Variants in NUCKS1 observed in about 807,000 individuals in gnomAD.
NUCKS1 encodes the protein nuclear casein kinase and cyclin dependent kinase substrate 1, also known as nuclear ubiquitous casein and cyclin-dependent kinase substrate 1.
In NUCKS1, 2 loss-of-function variants were observed where a neutral mutation model predicts 33.0. That is an observed-to-expected ratio of 0.06 (90% CI 0.02 to 0.19). NUCKS1 has a LOEUF of 0.19. Among genes scored for constraint, NUCKS1 ranks in the 10% least tolerant of loss-of-function variants. NUCKS1 has a pLI of 1.00. For missense variants in NUCKS1, 201 were observed against 293.6 expected (o/e 0.68, Z 2.31); for synonymous variants, 106 against 102.8 (o/e 1.03, Z -0.19).
chr1:205,747,575 A>G (rs1438983012), intron 1 of NUCKS1, among the ~76,000 whole-genome samples: 1 of 152,242 alleles, frequency 6.6e-6, no homozygotes, highest in East Asian at 1.9e-4. Context: ...TCATATTAAA[A>G]TAAAAATGGA....
intron 1 of NUCKS1, among the ~76,000 whole-genome samples, chr1:205,745,633 TA>T (rs1201378176): frequency 6.6e-6 from 1 of 152,040 alleles, no homozygotes; most frequent in Non-Finnish European, 1.5e-5. Context: ...GAGGAGATAT[TA>T]AAAAAAACCT....
At position 205,712,904 on chromosome 1, in the gene NUCKS1, T is replaced by C. The variant is rs1571563515; in HGVS notation, c.*5376A>G. On this transcript the variant is annotated 3_prime_UTR_variant, in exon 7 of 7. Transcript: ENST00000367142. ...CACTTCATAACCTTGGATGTAAACATGAGAAAAAATGCTAATTAAGAATCC... is the reference window on the plus strand; with the variant it reads ...CACTTCATAACCTTGGATGTAAACACGAGAAAAAATGCTAATTAAGAATCC... 1 of 152,144 alleles carries C rather than the reference T, an allele frequency of 6.6e-6. No homozygotes were observed. The highest frequency in any genetic ancestry group is 1.9e-4 in the East Asian group (1 of 5,200). 9.4% of individuals were successfully genotyped at this position (152,144 alleles called of 1,614,324 possible). A position where few individuals can be genotyped will look rare whatever the true frequency, so the allele number is the denominator to read the frequency against.
chr1:205,728,750 G>GA lies in NUCKS1; in HGVS notation c.67+821dup, dbSNP rs535092887. Among the ~76,000 whole-genome samples, 59 of 152,198 alleles carry GA rather than the reference G, an allele frequency of 3.9e-4. No homozygotes were observed. In the South Asian group the frequency reaches 6.6e-3, roughly 17 times the overall value. Reference sequence around the variant, plus strand: ...GTAATGAGATTAAGGAGACAACTCTGAAAAAACCTCTTATGGCTAAGACTT... The same window carrying GA: ...GTAATGAGATTAAGGAGACAACTCTGAAAAAAACCTCTTATGGCTAAGACTT... On this transcript the variant is annotated intron_variant, in intron 2 of 6. Coordinates refer to ENST00000367142, the MANE Select transcript of NUCKS1 (RefSeq NM_022731.5).
chr1:205,736,378 G>C lies in NUCKS1; in HGVS notation c.18-6757C>G, dbSNP rs550479777. Among the ~76,000 whole-genome samples, 29 of 152,236 alleles carry C rather than the reference G, an allele frequency of 1.9e-4. No individual in the cohort carries two copies. In the South Asian group the frequency reaches 4.4e-3, roughly 23 times the overall value. ...CAAAGTCTGATGGTCGTGGGGGTGG[G>C]AGATATGGTGGTGCTGAGAGTATTA... On this transcript the variant is annotated intron_variant, in intron 1 of 6. Coordinates refer to ENST00000367142, the MANE Select transcript of NUCKS1 (RefSeq NM_022731.5).
Position 205,750,000 on chromosome 1 carries a change from G to C in NUCKS1, c.-27C>G, listed in dbSNP as rs375214915. The stretch of plus-strand genomic sequence containing the variant: ...TTCGCTGTCGAAACAGGACCGAGTC[G>C]AGAAGCCAAAGACCAGGACCCCCCC... On this transcript the variant is annotated 5_prime_UTR_variant, in exon 1 of 7. Transcript: ENST00000367142. The C allele has an allele frequency of 1.7e-5, 27 of 1,595,320 alleles. No individual in the cohort carries two copies. The highest frequency in any genetic ancestry group is 2.2e-5 in the Non-Finnish European group (26 of 1,169,690).
At chr1:205,744,919 A>T (rs1571590350) in intron 1 of NUCKS1, among the ~76,000 whole-genome samples, 1 of 152,330 alleles carries the variant, frequency 6.6e-6, no homozygotes, top group East Asian at 1.9e-4. Flanking sequence ...GGCATGAGCC[A>T]CCGCGCCTGG....
At chr1:205,738,570 T>C (rs1330606680) in intron 1 of NUCKS1, among the ~76,000 whole-genome samples, 1 of 151,974 alleles carries the variant, frequency 6.6e-6, no homozygotes, top group African/African-American at 2.4e-5. Flanking sequence ...ACTTAAAAAT[T>C]TGAGACAGGC....
chr1:205,724,419 C>T (rs763879367), intron 3 of NUCKS1, among the ~76,000 whole-genome samples: 1 of 152,172 alleles, frequency 6.6e-6, no homozygotes, highest in Non-Finnish European at 1.5e-5. Context: ...GTAGTCCGGG[C>T]GTGGTGGCTC....
intron 1 of NUCKS1, among the ~76,000 whole-genome samples, chr1:205,749,669 G>A (rs1373983901): frequency 2.0e-5 from 3 of 151,928 alleles, no homozygotes; most frequent in Non-Finnish European, 4.4e-5. Context: ...GGCCGCTGGC[G>A]GCTCAGGGAC....
intron 1 of NUCKS1, among the ~76,000 whole-genome samples, chr1:205,736,587 G>A (rs1654039975): frequency 1.3e-5 from 2 of 152,036 alleles, no homozygotes; most frequent in South Asian, 4.1e-4. Flanking sequence ...CACTTTGAGA[G>A]GCCGAGGCAG....
chr1:205,727,676 G>A, intron 3 of NUCKS1, 24 bp downstream of exon 3: 1 of 1,468,572 alleles, frequency 6.8e-7, no homozygotes, highest in East Asian at 2.3e-5. Context: ...GTGTAAGCAG[G>A]AACAGAAAAA....
In NUCKS1 at chr1:205,718,445, C is replaced by T; in HGVS notation, c.567G>A (p.Val189=). 6.2e-7 allele frequency: 1 copy of T among 1,612,346 alleles called. No homozygotes were observed. Among genetic ancestry groups the T allele is most frequent in the Non-Finnish European group, 8.5e-7 (1 of 1,179,826 alleles). ...ATGCCTTTGAAGCTGTGGGGCGACC[C>T]ACTTTCCCTTTGCCTTTCACTGGAC... ...TPSPVKGKGK[V]GRPTASKASK... The change falls in exon 7 of 7, where the codon GTG becomes GTA. Residue 189 remains valine, a synonymous_variant. Coordinates refer to ENST00000367142, the MANE Select transcript of NUCKS1 (RefSeq NM_022731.5).
chr1:205,719,485 T>C, intron 6 of NUCKS1, 42 bp downstream of exon 6: 2 of 1,563,136 alleles, frequency 1.3e-6, no homozygotes, highest in South Asian at 1.2e-5. Context: ...ATTCTCAAAA[T>C]TTTTAAAGCA....
chr1:205,742,846 T>C (rs864783), intron 1 of NUCKS1, among the ~76,000 whole-genome samples: 49,408 of 151,730 alleles, frequency 0.33, 9,307 homozygotes, highest in Non-Finnish European at 0.42. Flanking sequence ...AATAAATAAA[T>C]AAACAAACAA....
intron 2 of NUCKS1, among the ~76,000 whole-genome samples, chr1:205,728,959 C>G (rs977725054): frequency 6.6e-6 from 1 of 151,778 alleles, no homozygotes; most frequent in Non-Finnish European, 1.5e-5. Context: ...TGAGCCACTG[C>G]GCCTGGCTGT....
In NUCKS1 at chr1:205,719,515, T is replaced by C. The variant is rs1671884482; in HGVS notation, c.532+12A>G. On this transcript the variant is annotated intron_variant, in intron 6 of 6. Transcript: ENST00000367142. Reference sequence around the variant, plus strand: ...AAAGCAGTAAATTTAATTTCACTTCTGCAGAAATTACCTGTAGCCTTTAGT... The same window carrying C: ...AAAGCAGTAAATTTAATTTCACTTCCGCAGAAATTACCTGTAGCCTTTAGT... The C allele has an allele frequency of 6.3e-7, 1 of 1,578,128 alleles. No individual in the cohort carries two copies. The highest frequency in any genetic ancestry group is 1.4e-5 in the African/African-American group (1 of 72,536).
intron 1 of NUCKS1, among the ~76,000 whole-genome samples, chr1:205,733,561 AT>A (rs1392043739): frequency 2.0e-5 from 3 of 152,082 alleles, no homozygotes; most frequent in Non-Finnish European, 4.4e-5. Context: ...GTTGGAACTG[AT>A]AACCTAAATT....
chr1:205,731,784 C>T (rs372167412), intron 1 of NUCKS1, among the ~76,000 whole-genome samples: 22 of 151,444 alleles, frequency 1.5e-4, no homozygotes, highest in South Asian at 4.2e-4. Context: ...CCCAGCTACT[C>T]GGGAGGCTGA....
chr1:205,743,696 G>A (rs1010277124), intron 1 of NUCKS1, among the ~76,000 whole-genome samples: 1 of 152,142 alleles, frequency 6.6e-6, no homozygotes, highest in African/African-American at 2.4e-5. Flanking sequence ...CTTGGAAAGT[G>A]GAGCCTTAAG....
Sources: allele counts gnomAD v4.1 joint callset (sites outside exome capture counted in the v4.1 genomes callset), GRCh38; gene constraint gnomAD v4.1.1; transcripts MANE v1.5; gene names NCBI Gene and HGNC (gene_info 2026-07-23, HGNC 2026-07-21).